ADCY2: variants seen among roughly 807,000 people sequenced by gnomAD.
ADCY2 encodes adenylate cyclase type 2.
In ADCY2, 31 loss-of-function variants were observed where a neutral mutation model predicts 125.2. That is an observed-to-expected ratio of 0.25 (90% CI 0.19 to 0.33). The LOEUF is 0.33. Among genes scored for constraint, ADCY2 ranks in the 10% least tolerant of loss-of-function variants. The pLI is 1.00. For missense variants in ADCY2, 904 were observed against 1,418.2 expected, an observed-to-expected ratio of 0.64 and a Z score of 5.82; for synonymous variants, 512 against 548.4, an observed-to-expected ratio of 0.93 and a Z score of 0.93.
At chr5:7,587,718 T>G (rs534038031) in intron 3 of ADCY2, among the ~76,000 whole-genome samples, 2 of 152,302 alleles carry the variant, frequency 1.3e-5, no homozygotes, top group South Asian at 4.1e-4. Flanking sequence ...CAGCAATCAA[T>G]TTAGAAAATG....
intron 2 of ADCY2, among the ~76,000 whole-genome samples, chr5:7,480,363 A>G (rs1217181271): frequency 6.6e-6 from 1 of 152,260 alleles, no homozygotes; most frequent in Non-Finnish European, 1.5e-5. Context: ...AATGCCCAAT[A>G]ATGATAGACT....
chr5:7,674,650 G>C (rs1740056054), intron 4 of ADCY2, among the ~76,000 whole-genome samples: 1 of 151,098 alleles, frequency 6.6e-6, no homozygotes, highest in Admixed American at 6.6e-5. Context: ...CACTTTGTGG[G>C]TATTCAGAAG....
intron 3 of ADCY2, among the ~76,000 whole-genome samples, chr5:7,578,710 A>G (rs1412473483): frequency 2.0e-5 from 3 of 152,278 alleles, no homozygotes; most frequent in African/African-American, 7.2e-5. Context: ...CTGTATTTCT[A>G]GTTTTCATAT....
intron 4 of ADCY2, among the ~76,000 whole-genome samples, chr5:7,686,110 A>T (rs1203362111): frequency 6.6e-6 from 1 of 152,232 alleles, no homozygotes; most frequent in African/African-American, 2.4e-5. Context: ...AGGAGCTTTA[A>T]GTATCTATTA....
chr5:7,555,854 GCACA>G lies in ADCY2; in HGVS notation c.570+34982_570+34985del, dbSNP rs58926524. Among the ~76,000 whole-genome samples, 394 of 142,608 alleles carry G rather than the reference GCACA, an allele frequency of 2.8e-3. 2 individuals are homozygous for G. The highest frequency in any genetic ancestry group is 6.4e-3 in the African/African-American group (238 of 37,040). 93.6% of individuals were successfully genotyped at this position (142,608 alleles called of 152,430 possible). Reference sequence around the variant, plus strand: ...CCTTCTTTTACAGACACATGTGAGCGCACACACACACACACACACACACACACAC... The same window carrying G: ...CCTTCTTTTACAGACACATGTGAGCGCACACACACACACACACACACACAC... On this transcript the variant is annotated intron_variant, in intron 3 of 24. Coordinates refer to ENST00000338316, the MANE Select transcript of ADCY2 (RefSeq NM_020546.3).
intron 14 of ADCY2, among the ~76,000 whole-genome samples, chr5:7,730,529 G>A (rs1553982073): frequency 5.3e-5 from 8 of 152,050 alleles, no homozygotes. Context: ...TATATTTTTG[G>A]TGATGTATAT....
At chr5:7,576,582 A>G (rs1736260058) in intron 3 of ADCY2, among the ~76,000 whole-genome samples, 1 of 152,238 alleles carries the variant, frequency 6.6e-6, no homozygotes. Flanking sequence ...GCCCTTTGAA[A>G]GTGCTTGCTG....
chr5:7,783,366 C>T (rs1743979572), intron 18 of ADCY2, among the ~76,000 whole-genome samples: 1 of 152,026 alleles, frequency 6.6e-6, no homozygotes, highest in Admixed American at 6.6e-5. Flanking sequence ...GGTTGGTACC[C>T]ACCTTTGACT....
chr5:7,681,025 CAGA>C (rs540797979), intron 4 of ADCY2, among the ~76,000 whole-genome samples: 2 of 152,154 alleles, frequency 1.3e-5, no homozygotes, highest in Non-Finnish European at 2.9e-5. Flanking sequence ...CAAGCTACAG[CAGA>C]AGAACACCTT....
chr5:7,516,765 T>A (rs1443170627), intron 2 of ADCY2, among the ~76,000 whole-genome samples: 1 of 152,178 alleles, frequency 6.6e-6, no homozygotes, highest in Non-Finnish European at 1.5e-5. Context: ...GTACACACTC[T>A]GTTTCCCTTG....
intron 3 of ADCY2, among the ~76,000 whole-genome samples, chr5:7,598,143 G>A (rs550566174): frequency 3.7e-4 from 56 of 152,324 alleles, no homozygotes; most frequent in African/African-American, 1.3e-3. Context: ...GCTGGACTGG[G>A]AGCTAAAAAG....
intron 2 of ADCY2, among the ~76,000 whole-genome samples, chr5:7,417,970 T>G (rs1740021691): frequency 6.6e-6 from 1 of 152,248 alleles, no homozygotes; most frequent in Non-Finnish European, 1.5e-5. Context: ...TGTTATTGTT[T>G]GTATTTTAAC....
intron 22 of ADCY2, among the ~76,000 whole-genome samples, chr5:7,805,965 G>T (rs960934226): frequency 6.6e-6 from 1 of 151,232 alleles, no homozygotes; most frequent in South Asian, 2.1e-4. Context: ...CAGTAATAAA[G>T]AAAATAAAAG....
chr5:7,470,057 T>C (rs527547661), intron 2 of ADCY2, among the ~76,000 whole-genome samples: 80 of 152,004 alleles, frequency 5.3e-4, no homozygotes, highest in African/African-American at 1.9e-3. Context: ...AAGTTAACTT[T>C]ATTTATTTGA....
At chr5:7,678,291 C>T (rs994387398) in intron 4 of ADCY2, among the ~76,000 whole-genome samples, 5 of 152,150 alleles carry the variant, frequency 3.3e-5, no homozygotes, top group Non-Finnish European at 7.3e-5. Context: ...TAGCTGGAGT[C>T]AGCCACAGGA....
chr5:7,550,006 C>G (rs1254386052), intron 3 of ADCY2, among the ~76,000 whole-genome samples: 1 of 152,128 alleles, frequency 6.6e-6, no homozygotes, highest in Non-Finnish European at 1.5e-5. Flanking sequence ...CTGTGTCTCT[C>G]CACTTGGTTT....
intron 2 of ADCY2, among the ~76,000 whole-genome samples, chr5:7,500,874 C>T (rs1172493813): frequency 6.6e-6 from 1 of 152,080 alleles, no homozygotes; most frequent in Non-Finnish European, 1.5e-5. Context: ...CTTAAAGAAA[C>T]TGGGATCCTT....
intron 12 of ADCY2, among the ~76,000 whole-genome samples, chr5:7,722,988 C>CAAAAAAA (rs1741811889): frequency 9.0e-6 from 1 of 110,806 alleles, no homozygotes; most frequent in African/African-American, 3.8e-5. Context: ...AAAAAAAAAG[C>CAAAAAAA]ATGTCCTTTG....
intron 4 of ADCY2, among the ~76,000 whole-genome samples, chr5:7,679,270 C>T (rs1315617461): frequency 1.3e-5 from 2 of 152,172 alleles, no homozygotes; most frequent in African/African-American, 2.4e-5. Flanking sequence ...ATCCAGGTCC[C>T]GGGGGAGCGT....
Sources: allele counts gnomAD v4.1 joint callset (sites outside exome capture counted in the v4.1 genomes callset), GRCh38; gene constraint gnomAD v4.1.1; transcripts MANE v1.5; gene names NCBI Gene and HGNC (gene_info 2026-07-23, HGNC 2026-07-21).